COPRS: variants seen among roughly 807,000 people sequenced by gnomAD.
COPRS encodes the protein coordinator of PRMT5 and differentiation stimulator.
Under a neutral mutation model 19.9 loss-of-function variants are expected in COPRS, and 11 were observed. The observed-to-expected ratio is 0.55, with a 90% confidence interval of 0.35 to 0.92. The LOEUF (loss-of-function observed/expected upper bound fraction) is 0.92, where lower values mean the gene tolerates loss of function less well. COPRS is among the 40% of genes least tolerant of loss of function. The pLI is 0.01. For missense variants in COPRS, 225 were observed against 229.9 expected, an observed-to-expected ratio of 0.98 and a Z score of 0.14; for synonymous variants, 81 against 82.7, an observed-to-expected ratio of 0.98 and a Z score of 0.11.
At chr17:31,854,135 A>C (rs1369113555) in intron 2 of COPRS, among the ~76,000 whole-genome samples, 1 of 152,062 alleles carries the variant, frequency 6.6e-6, no homozygotes, top group African/African-American at 2.4e-5. Context: ...TTGGGAGGCC[A>C]AGGTGGGTGG....
At chr17:31,856,636 A>C (rs1031578113) in intron 2 of COPRS, 163 bp downstream of exon 2, 1 of 600,316 alleles carries the variant, frequency 1.7e-6, no homozygotes, top group Non-Finnish European at 2.9e-6. Flanking sequence ...CCCTTAAGGA[A>C]GCTCCAAGCA....
intron 1 of COPRS, chr17:31,858,271 C>A (rs544302505): frequency 1.4e-6 from 1 of 693,050 alleles, no homozygotes; most frequent in African/African-American, 1.9e-5. Context: ...AGCCTCTCAC[C>A]TTGATCCTTT....
intron 1 of COPRS, among the ~76,000 whole-genome samples, chr17:31,858,041 T>C (rs146873428): frequency 5.9e-5 from 9 of 152,274 alleles, no homozygotes; most frequent in African/African-American, 1.9e-4. Context: ...CACCTTCCCA[T>C]CCAGCCATCT....
Position 31,856,838 on chromosome 17 carries a change from T to C in COPRS, c.127A>G (p.Ser43Gly), listed in dbSNP as rs8068049. The stretch of plus-strand genomic sequence containing the variant: ...GCCTTCTCAGTCTCTCTCTCCTGAC[T>C]GGAGTGGTCAGCTGTAGCAAAGCCA... ...EAGFATADHS[S>G]QERETEKAMD... The change falls in exon 2 of 4, where the codon AGT becomes GGT. Residue 43 changes from serine (S) to glycine (G), a missense_variant. Coordinates refer to ENST00000302362, the MANE Select transcript of COPRS (RefSeq NM_018405.4). The C allele has an allele frequency of 0.88, 1,417,591 of 1,606,666 alleles. 626,166 individuals carry two copies. The highest frequency in any genetic ancestry group is 0.98 in the African/African-American group (73,085 of 74,872).
intron 1 of COPRS, chr17:31,858,864 T>C: frequency 1.3e-6 from 2 of 1,544,396 alleles, no homozygotes; most frequent in Non-Finnish European, 1.7e-6. Flanking sequence ...CAGCCGTCTC[T>C]GCTGACCCAG....
At chr17:31,856,958 A>T in intron 1 of COPRS, 93 bp from the exon 2 acceptor site, 1 of 792,958 alleles carries the variant, frequency 1.3e-6, no homozygotes, top group Non-Finnish European at 2.2e-6. Flanking sequence ...ACTCTTCCAT[A>T]CTCCCCTTGG....
intron 3 of COPRS, 24 bp downstream of exon 3, chr17:31,852,788 G>GA: frequency 6.4e-7 from 1 of 1,560,184 alleles, no homozygotes; most frequent in Non-Finnish European, 8.8e-7. Context: ...CCTAGTTCAG[G>GA]ACCCCCAGAG....
intron 2 of COPRS, among the ~76,000 whole-genome samples, chr17:31,854,976 T>C (rs1909288706): frequency 6.6e-6 from 1 of 152,242 alleles, no homozygotes; most frequent in African/African-American, 2.4e-5. Context: ...ATGGTAAATT[T>C]AGGTTATGCA....
intron 1 of COPRS, among the ~76,000 whole-genome samples, chr17:31,858,554 C>A (rs892687915): frequency 2.0e-5 from 3 of 152,214 alleles, no homozygotes. Flanking sequence ...CGGTCTGTAA[C>A]GTTCTCGGGA....
At position 31,856,789 on chromosome 17, in the gene COPRS, A is replaced by G. The variant is rs1909369063; in HGVS notation, c.166+10T>C. 1.3e-6 allele frequency: 2 copies of G among 1,572,266 alleles called. No individual in the cohort carries two copies. Among genetic ancestry groups the G allele is most frequent in the East Asian group, 4.5e-5 (2 of 44,710 alleles). Reference sequence around the variant, plus strand: ...GGTCTCCCCAACTTCCGTCTCTGCCATCTACTTGCCTAGTCGATCCATAGC... The same window carrying G: ...GGTCTCCCCAACTTCCGTCTCTGCCGTCTACTTGCCTAGTCGATCCATAGC... On this transcript the variant is annotated intron_variant, in intron 2 of 3. Transcript: ENST00000302362.
chr17:31,855,493 C>T (rs1482474487), intron 2 of COPRS, among the ~76,000 whole-genome samples: 1 of 149,692 alleles, frequency 6.7e-6, no homozygotes, highest in Non-Finnish European at 1.5e-5. Context: ...AGCGAGACTC[C>T]GTCTCAAAAA....
intron 2 of COPRS, among the ~76,000 whole-genome samples, chr17:31,855,939 A>G (rs1354527502): frequency 7.0e-6 from 1 of 142,826 alleles, no homozygotes; most frequent in African/African-American, 2.5e-5. Context: ...GGTTGCAGTG[A>G]GCCAAGATTG....
intron 1 of COPRS, chr17:31,858,776 C>G (rs770046147): frequency 1.9e-4 from 296 of 1,550,596 alleles, no homozygotes; most frequent in Non-Finnish European, 2.4e-4. Flanking sequence ...CGCCCAGGCT[C>G]CTGGCAGCGG....
At chr17:31,858,988 G>A (rs1270279758) in intron 1 of COPRS, 113 bp downstream of exon 1, 3 of 1,318,964 alleles carry the variant, frequency 2.3e-6, no homozygotes, top group East Asian at 3.4e-5. Flanking sequence ...GGGGCGGCCC[G>A]AGGCCGGCCA....
intron 2 of COPRS, 79 bp downstream of exon 2, chr17:31,856,720 G>C: frequency 1.1e-6 from 1 of 907,160 alleles, no homozygotes; most frequent in East Asian, 2.4e-5. Context: ...GGCTAAAAGA[G>C]AAGGTAAATG....
Position 31,852,017 on chromosome 17 carries a change from C to T in COPRS, c.*122G>A, listed in dbSNP as rs761377461. ...AACACTGTCAATAAGGAACACTGGT[C>T]TGTGTACCCCAGACTAGGGGTCACT... On this transcript the variant is annotated 3_prime_UTR_variant, in exon 4 of 4. Transcript: ENST00000302362. The T allele has an allele frequency of 1.8e-6, 2 of 1,101,274 alleles. No homozygotes were observed. Among genetic ancestry groups the T allele is most frequent in the Middle Eastern group, 3.0e-4 (1 of 3,302 alleles). 68.2% of individuals were successfully genotyped at this position (1,101,274 alleles called of 1,614,324 possible).
At chr17:31,855,994 C>CAA (rs71142093) in intron 2 of COPRS, among the ~76,000 whole-genome samples, 1,980 of 132,856 alleles carry the variant, frequency 0.015, 39 homozygotes, top group East Asian at 0.074. Context: ...AACTCCCTCT[C>CAA]AAAAAAAAAA....
rs541682420 is a variant in COPRS, at chr17:31,856,611, A to G, written c.166+188T>C. 4.6e-4 allele frequency: 302 copies of G among 651,744 alleles called. 1 individual carries two copies. The highest frequency in any genetic ancestry group is 6.8e-4 in the Non-Finnish European group (254 of 372,794). The allele number at this position is 651,744 out of a possible 1,614,324, so 40.4% of individuals were successfully genotyped here. A position where few individuals can be genotyped will look rare whatever the true frequency, so the allele number is the denominator to read the frequency against. ...GTAGAAGGATGGATTTGAACATAAG[A>G]AAAGTTCAGGACTTCCCTTAAGGAA... On this transcript the variant is annotated intron_variant, in intron 2 of 3. Coordinates refer to ENST00000302362, the MANE Select transcript of COPRS (RefSeq NM_018405.4).
chr17:31,856,219 C>T (rs567616169), intron 2 of COPRS, among the ~76,000 whole-genome samples: 4 of 152,178 alleles, frequency 2.6e-5, no homozygotes, highest in Admixed American at 2.0e-4. Context: ...CCTGTAGTTC[C>T]AGCTACTCGG....
Sources: gnomAD v4.1 joint callset for allele counts (sites outside exome capture counted in the v4.1 genomes callset) on GRCh38, gnomAD v4.1.1 for gene constraint, MANE v1.5 for transcripts, NCBI Gene and HGNC (gene_info 2026-07-23, HGNC 2026-07-21) for gene names.